P2RY14: variants seen among roughly 807,000 people sequenced by gnomAD.
P2RY14 encodes the protein P2Y purinoceptor 14.
In P2RY14, 2 loss-of-function variants were observed where a neutral mutation model predicts 0.9. That is an observed-to-expected ratio of 2.16 (90% CI 0.88 to 6.79). P2RY14 has a LOEUF of 6.79. P2RY14 is among the 30% of genes most tolerant of loss of function. The pLI, the probability that P2RY14 is intolerant of heterozygous loss-of-function variation, is 0.05. For synonymous variants in P2RY14, 158 were observed against 147.2 expected (o/e 1.07, Z -0.53); for missense variants, 378 against 400.1 (o/e 0.94, Z 0.47).
intron 1 of P2RY14, among the ~76,000 whole-genome samples, chr3:151,224,579 G>C (rs1056079373): frequency 6.6e-6 from 1 of 151,746 alleles, no homozygotes; most frequent in Non-Finnish European, 1.5e-5. Context: ...TCTGTGTTCT[G>C]CATTCCTGTG....
rs1384708100 is a variant in P2RY14 at position 151,212,392 on chromosome 3, T to A, written c.*908A>T. 1 of 152,182 alleles carries A rather than the reference T, an allele frequency of 6.6e-6. No individual in the cohort carries two copies. Among genetic ancestry groups the A allele is most frequent in the Non-Finnish European group, 1.5e-5 (1 of 68,022 alleles). The allele number at this position is 152,182 out of a possible 1,614,324, so 9.4% of individuals were successfully genotyped here. A position where few individuals can be genotyped will look rare whatever the true frequency, so the allele number is the denominator to read the frequency against. On this transcript the variant is annotated 3_prime_UTR_variant, in exon 3 of 3. Coordinates refer to ENST00000309170, the MANE Select transcript of P2RY14 (RefSeq NM_014879.4). ...CACTCATTAATGTAAATTTTAGATT[T>A]AAAAAAATCAAGTTTATTTGCTTTC...
chr3:151,243,266 C>T (rs528436839), intron 1 of P2RY14, among the ~76,000 whole-genome samples: 10 of 151,690 alleles, frequency 6.6e-5, no homozygotes, highest in South Asian at 2.1e-4. Flanking sequence ...GTACAGAGAA[C>T]GCCACAAAGA....
intron 1 of P2RY14, among the ~76,000 whole-genome samples, chr3:151,221,447 C>T (rs1405645632): frequency 6.6e-6 from 1 of 152,156 alleles, no homozygotes; most frequent in Non-Finnish European, 1.5e-5. Flanking sequence ...CCCATCACAT[C>T]GCAGGCCTGG....
intron 1 of P2RY14, among the ~76,000 whole-genome samples, chr3:151,225,454 G>A (rs1032610567): frequency 6.6e-6 from 1 of 152,174 alleles, no homozygotes; most frequent in Non-Finnish European, 1.5e-5. Context: ...GTGAGACCAA[G>A]AGAAAAAGAG....
chr3:151,266,131 C>T (rs1739789525), intron 1 of P2RY14, among the ~76,000 whole-genome samples: 1 of 152,174 alleles, frequency 6.6e-6, no homozygotes, highest in African/African-American at 2.4e-5. Context: ...CTTTTGTTTG[C>T]AGCACAACGT....
intron 2 of P2RY14, among the ~76,000 whole-genome samples, chr3:151,215,978 T>G (rs1176662941): frequency 6.6e-6 from 1 of 152,208 alleles, no homozygotes; most frequent in Non-Finnish European, 1.5e-5. Flanking sequence ...AGGCCTCAGC[T>G]TAGCTGTCAC....
chr3:151,237,863 T>A (rs1733242508), intron 1 of P2RY14, among the ~76,000 whole-genome samples: 1 of 152,222 alleles, frequency 6.6e-6, no homozygotes. Context: ...CTATGAAATG[T>A]CTAGTCACAT....
chr3:151,242,804 G>A (rs1050501908), intron 1 of P2RY14, among the ~76,000 whole-genome samples: 2 of 151,758 alleles, frequency 1.3e-5, no homozygotes, highest in Admixed American at 6.6e-5. Flanking sequence ...GGCTTCAGAC[G>A]ATCAAATTAC....
chr3:151,240,670 A>G (rs758056666), intron 1 of P2RY14, among the ~76,000 whole-genome samples: 4 of 152,248 alleles, frequency 2.6e-5, no homozygotes, highest in Non-Finnish European at 5.9e-5. Flanking sequence ...CTGAGTCCCA[A>G]TAATATTGAC....
At chr3:151,267,133 T>C (rs888830550) in intron 1 of P2RY14, among the ~76,000 whole-genome samples, 1 of 152,202 alleles carries the variant, frequency 6.6e-6, no homozygotes, top group Admixed American at 6.5e-5. Flanking sequence ...TGAAGTTTAT[T>C]TTGACTGTTT....
chr3:151,252,554 G>T (rs1737054039), intron 1 of P2RY14, among the ~76,000 whole-genome samples: 1 of 152,086 alleles, frequency 6.6e-6, no homozygotes, highest in South Asian at 2.1e-4. Context: ...GTAAAGATGT[G>T]TTGCTTCCTT....
chr3:151,216,886 A>G (rs1423842818), intron 2 of P2RY14, among the ~76,000 whole-genome samples: 1 of 152,056 alleles, frequency 6.6e-6, no homozygotes, highest in Non-Finnish European at 1.5e-5. Flanking sequence ...AGTTAGATGC[A>G]TTTTGGTTTA....
chr3:151,276,339 A>T lies in P2RY14; in HGVS notation c.-133+1948T>A, dbSNP rs1741850781. 2.0e-5 allele frequency among the ~76,000 whole-genome samples: 3 copies of T among 152,212 alleles called. No individual in the cohort carries two copies. The South Asian group carries it at 6.2e-4, about 31-fold the overall frequency. On this transcript the variant is annotated intron_variant, in intron 1 of 2. Coordinates refer to ENST00000309170, the MANE Select transcript of P2RY14 (RefSeq NM_014879.4). ...TGAGATCCACTGCTCTATCCAAACAAACTTGGCACTCTTGTACTGATATAA... is the reference window on the plus strand; with the variant it reads ...TGAGATCCACTGCTCTATCCAAACATACTTGGCACTCTTGTACTGATATAA...
At chr3:151,248,986 A>G (rs1012711986) in intron 1 of P2RY14, 2 of 152,206 alleles carry the variant, frequency 1.3e-5, no homozygotes, top group African/African-American at 4.8e-5. Flanking sequence ...ACCAGTGGGA[A>G]ACACTGCATT....
rs535839455 is a variant in P2RY14 at position 151,243,495 on chromosome 3, A to T, written c.-132-23853T>A. Among the ~76,000 whole-genome samples, 3 of 152,348 alleles carry T rather than the reference A, an allele frequency of 2.0e-5. No homozygotes were observed. The South Asian group carries it at 6.2e-4, about 32-fold the overall frequency. On this transcript the variant is annotated intron_variant, in intron 1 of 2. Coordinates refer to ENST00000309170, the MANE Select transcript of P2RY14 (RefSeq NM_014879.4). ...TTAAAGACAAGAATTTTCAACCTGG[A>T]ATTTCATATCCAGCGAAACTAAGCT...
chr3:151,273,113 T>G (rs1268790352), intron 1 of P2RY14, among the ~76,000 whole-genome samples: 1 of 152,150 alleles, frequency 6.6e-6, no homozygotes, highest in African/African-American at 2.4e-5. Context: ...TCAAGGAATA[T>G]TCAACCTCTG....
At chr3:151,263,379 A>G (rs550073826) in intron 1 of P2RY14, among the ~76,000 whole-genome samples, 2 of 152,228 alleles carry the variant, frequency 1.3e-5, no homozygotes, top group Admixed American at 1.3e-4. Flanking sequence ...TGGAACCAGA[A>G]GGAAATGTAC....
rs1727596660 is a variant in P2RY14, at chr3:151,213,692, T to C, written c.625A>G (p.Ile209Val). 6.2e-7 allele frequency: 1 copy of C among 1,614,206 alleles called. No individual in the cohort carries two copies. The highest frequency in any genetic ancestry group is 8.5e-7 in the Non-Finnish European group (1 of 1,180,024). The change falls in exon 3 of 3, where the codon ATC becomes GTC. Residue 209 changes from isoleucine (I) to valine (V), a missense_variant. Ile to Val is a conservative substitution (Grantham distance 29). Transcript: ENST00000309170. ...TGGGACTTAAAGATTTTCTTTGTGA[T>C]AGCAGTATAGAAAACGATTAACAAA... is the stretch of plus-strand genomic sequence containing the variant. ...FLLLIVFYTA[I>V]TKKIFKSHLK...
At chr3:151,231,098 T>C (rs1231170548) in intron 1 of P2RY14, among the ~76,000 whole-genome samples, 2 of 152,118 alleles carry the variant, frequency 1.3e-5, no homozygotes, top group African/African-American at 4.8e-5. Flanking sequence ...TGAAAATACA[T>C]TGAAAACCAA....
Sources: gnomAD v4.1 joint callset for allele counts (sites outside exome capture counted in the v4.1 genomes callset) on GRCh38, gnomAD v4.1.1 for gene constraint, MANE v1.5 for transcripts, NCBI Gene and HGNC (gene_info 2026-07-23, HGNC 2026-07-21) for gene names.